Variants in MCPH1 observed in about 807,000 individuals in gnomAD.
MCPH1 encodes microcephalin.
In MCPH1, 104 loss-of-function variants were observed where a neutral mutation model predicts 84.5. That is an observed-to-expected ratio of 1.23 (90% CI 1.05 to 1.45). The LOEUF (loss-of-function observed/expected upper bound fraction) is 1.45. Among genes scored for constraint, MCPH1 ranks in the 40% most tolerant of loss-of-function variants. MCPH1 has a pLI of 0.00. For synonymous variants in MCPH1, 514 were observed against 366.8 expected (o/e 1.40, Z -4.58); for missense variants, 1,498 against 1,005.7 (o/e 1.49, Z -6.62).
At chr8:6,550,092 T>G (rs1586566916) in intron 12 of MCPH1, among the ~76,000 whole-genome samples, 3 of 152,336 alleles carry the variant, frequency 2.0e-5, no homozygotes, top group Middle Eastern at 3.4e-3. Context: ...TACAACGCTG[T>G]CTTCAAAAGA....
At chr8:6,609,229 G>A (rs540142884) in intron 12 of MCPH1, among the ~76,000 whole-genome samples, 3 of 152,234 alleles carry the variant, frequency 2.0e-5, no homozygotes, top group South Asian at 2.1e-4. Flanking sequence ...AAGGCATCTC[G>A]GCAGCATGCT....
rs1249601553 is a variant in MCPH1, at chr8:6,565,201, G to C, written c.2215-56253G>C. Among the ~76,000 whole-genome samples, 9 of 152,056 alleles carry C rather than the reference G, an allele frequency of 5.9e-5. 1 individual carries two copies. Among genetic ancestry groups the C allele is most frequent in the African/African-American group, 2.2e-4 (9 of 41,386 alleles). ...GATGGAGATCATTTTTTCTCTGTAG[G>C]GTTTTTAGGATTAAGATATAATTGT... is the stretch of plus-strand genomic sequence containing the variant. On this transcript the variant is annotated intron_variant, in intron 12 of 13. Coordinates refer to ENST00000344683, the MANE Select transcript of MCPH1 (RefSeq NM_024596.5).
At chr8:6,418,591 A>G (rs1043599685) in intron 3 of MCPH1, among the ~76,000 whole-genome samples, 1 of 148,978 alleles carries the variant, frequency 6.7e-6, no homozygotes, top group Non-Finnish European at 1.5e-5. Context: ...TTATTTTATC[A>G]TTTTTTTTTT....
intron 12 of MCPH1, chr8:6,532,472 G>C: frequency 1.2e-6 from 2 of 1,611,926 alleles, no homozygotes; most frequent in African/African-American, 2.7e-5. Flanking sequence ...ATGTTGTCCT[G>C]GATATAATTC....
Position 6,449,056 on chromosome 8 carries a change from A to G in MCPH1, c.1825+3509A>G, listed in dbSNP as rs1167093576. On this transcript the variant is annotated intron_variant, in intron 8 of 13. Transcript: ENST00000344683. ...CAGACTGAGTGTTCCCATCACCAAC[A>G]TTGATTGCAAATGTTTATTAAGGCT... is the stretch of plus-strand genomic sequence containing the variant. Among the ~76,000 whole-genome samples the G allele has an allele frequency of 1.4e-4, 22 of 152,226 alleles. 1 individual carries two copies. Among genetic ancestry groups the G allele is most frequent in the Admixed American group, 1.4e-3 (22 of 15,288 alleles).
chr8:6,598,705 T>C (rs1829121149), intron 12 of MCPH1, among the ~76,000 whole-genome samples: 1 of 152,230 alleles, frequency 6.6e-6, no homozygotes, highest in Admixed American at 6.5e-5. Flanking sequence ...GAGAAGGCCA[T>C]GGCCCTGTGT....
chr8:6,526,252 T>C (rs1818304770), intron 12 of MCPH1, among the ~76,000 whole-genome samples: 2 of 109,150 alleles, frequency 1.8e-5, no homozygotes, highest in African/African-American at 7.0e-5. Flanking sequence ...AAACCTTGCC[T>C]CTACTAAAAA....
chr8:6,442,642 A>AGT (rs1181265303), intron 7 of MCPH1, among the ~76,000 whole-genome samples: 1 of 152,238 alleles, frequency 6.6e-6, no homozygotes, highest in Non-Finnish European at 1.5e-5. Flanking sequence ...TGTTACGCAC[A>AGT]TACATGTTTG....
chr8:6,415,143 A>G (rs900518392), intron 3 of MCPH1, among the ~76,000 whole-genome samples: 4 of 151,990 alleles, frequency 2.6e-5, no homozygotes, highest in African/African-American at 9.7e-5. Flanking sequence ...TTAGGAAGCA[A>G]GAGGGAATGT....
Position 6,559,040 on chromosome 8 carries a change from A to G in MCPH1, c.2214+59111A>G, listed in dbSNP as rs77469838. Among the ~76,000 whole-genome samples the G allele has an allele frequency of 7.4e-3, 1,123 of 152,198 alleles. 13 individuals carry two copies. The highest frequency in any genetic ancestry group is 0.026 in the African/African-American group (1,090 of 41,514). On this transcript the variant is annotated intron_variant, in intron 12 of 13. Transcript: ENST00000344683. ...TATAGTAATACTAACACTGAGCACA[A>G]TCATATTTCACCACTCAGGATGTAG...
chr8:6,406,828 C>A, intron 1 of MCPH1, 139 bp downstream of exon 1: 1 of 796,364 alleles, frequency 1.3e-6, no homozygotes, highest in Non-Finnish European at 2.1e-6. Flanking sequence ...GACCCCCTGC[C>A]GCCTCCTTCC....
chr8:6,528,118 A>G (rs1280939425), intron 12 of MCPH1, among the ~76,000 whole-genome samples: 4 of 152,068 alleles, frequency 2.6e-5, no homozygotes, highest in Non-Finnish European at 5.9e-5. Context: ...GCTGGTCTGG[A>G]ACTCCTGACC....
chr8:6,410,743 G>C (rs1042896874), intron 2 of MCPH1, among the ~76,000 whole-genome samples: 3 of 152,156 alleles, frequency 2.0e-5, no homozygotes, highest in Non-Finnish European at 4.4e-5. Flanking sequence ...ATATTTATCA[G>C]TTAGGGAAGT....
In MCPH1 at chr8:6,456,298, C is replaced by T. The variant is rs117102757; in HGVS notation, c.1935+1046C>T. On this transcript the variant is annotated intron_variant, in intron 9 of 13. Coordinates refer to ENST00000344683, the MANE Select transcript of MCPH1 (RefSeq NM_024596.5). ...AGGCACCTGCTCTACAATGGCGTTG[C>T]GCACTGTGACTCCACTGCAGCCTGC... Among the ~76,000 whole-genome samples the T allele has an allele frequency of 1.2e-3, 188 of 152,262 alleles. 3 individuals carry two copies. In the East Asian group the frequency reaches 0.03, roughly 24 times the overall value.
rs371758429 is a variant in MCPH1 at position 6,514,674 on chromosome 8, T to C, written c.2214+14745T>C. ...TTTCTGATGCCTTAAAGAATGTCCT[T>C]ACCACTTTATATTCTTTCCAAGTCC... is the stretch of plus-strand genomic sequence containing the variant. On this transcript the variant is annotated intron_variant, in intron 12 of 13. Coordinates refer to ENST00000344683, the MANE Select transcript of MCPH1 (RefSeq NM_024596.5). The C allele has an allele frequency of 1.9e-5, 30 of 1,613,220 alleles. No individual in the cohort carries two copies. In the African/African-American group the frequency reaches 2.3e-4, roughly 12 times the overall value.
chr8:6,449,496 G>C (rs200112440), intron 8 of MCPH1, among the ~76,000 whole-genome samples: 7 of 152,130 alleles, frequency 4.6e-5, no homozygotes, highest in Non-Finnish European at 1.0e-4. Flanking sequence ...AGCCAGGCGT[G>C]GTGGCACATG....
At position 6,414,709 on chromosome 8, in the gene MCPH1, A is replaced by G. The variant is rs76553875; in HGVS notation, c.115-56A>G. On this transcript the variant is annotated intron_variant, in intron 2 of 13. Coordinates refer to ENST00000344683, the MANE Select transcript of MCPH1 (RefSeq NM_024596.5). ...GGGTAGAGGTTTTTTGATCAGTTGT[A>G]GTTAAGTTGTGAATGAACAGTAATG... 0.013 allele frequency: 20,268 copies of G among 1,593,664 alleles called. 180 individuals carry two copies. The highest frequency in any genetic ancestry group is 0.023 in the African/African-American group (1,725 of 74,486).
Position 6,445,489 on chromosome 8 carries a change from C to T in MCPH1, c.1767C>T (p.Asp589=). The change falls in exon 8 of 14, where the codon GAC becomes GAT. Residue 589 remains aspartate, a synonymous_variant. Coordinates refer to ENST00000344683, the MANE Select transcript of MCPH1 (RefSeq NM_024596.5). ...AACATGAGCCATGTTTTATAGTTGACTGTAACATGGAGACGTCTACAGAAG... is the reference window on the plus strand; with the variant it reads ...AACATGAGCCATGTTTTATAGTTGATTGTAACATGGAGACGTCTACAGAAG... ...QSEHEPCFIV[D]CNMETSTEEK... 3 of 1,613,890 alleles carry T rather than the reference C, an allele frequency of 1.9e-6. No homozygotes were observed. The highest frequency in any genetic ancestry group is 2.5e-6 in the Non-Finnish European group (3 of 1,180,010).
At chr8:6,512,108 G>A (rs1408536675) in intron 12 of MCPH1, among the ~76,000 whole-genome samples, 1 of 151,994 alleles carries the variant, frequency 6.6e-6, no homozygotes, top group Non-Finnish European at 1.5e-5. Flanking sequence ...AGGAGAGCCT[G>A]ATCTTTCCAT....
Sources: gnomAD v4.1 joint callset for allele counts (sites outside exome capture counted in the v4.1 genomes callset) on GRCh38, gnomAD v4.1.1 for gene constraint, MANE v1.5 for transcripts, NCBI Gene and HGNC (gene_info 2026-07-23, HGNC 2026-07-21) for gene names.